CADPS2: variants seen among roughly 807,000 people sequenced by gnomAD.
CADPS2 encodes calcium dependent secretion activator 2.
A neutral mutation model predicts 172.5 loss-of-function variants in CADPS2; 93 were observed. That is an observed-to-expected ratio of 0.54 (90% CI 0.46 to 0.64). The LOEUF (loss-of-function observed/expected upper bound fraction) is 0.64, where lower values mean the gene tolerates loss of function less well. Among genes scored for constraint, CADPS2 ranks in the 30% least tolerant of loss-of-function variants. The probability of loss-of-function intolerance (pLI) is 0.00; values close to 1 mark genes in which losing one functional copy is unlikely to be tolerated. For missense variants in CADPS2, 1,420 were observed against 1,565.9 expected (o/e 0.91, Z 1.57); for synonymous variants, 546 against 555.2 (o/e 0.98, Z 0.23).
intron 27 of CADPS2, among the ~76,000 whole-genome samples, chr7:122,354,586 G>T (rs926748661): frequency 6.6e-6 from 1 of 151,958 alleles, no homozygotes; most frequent in Non-Finnish European, 1.5e-5. Flanking sequence ...TTTTGGGGGG[G>T]AGGGGTTAGT....
intron 2 of CADPS2, among the ~76,000 whole-genome samples, chr7:122,716,290 T>C (rs531012623): frequency 1.1e-4 from 16 of 152,232 alleles, no homozygotes; most frequent in Non-Finnish European, 1.3e-4. Flanking sequence ...CTATCTAACA[T>C]GTGGCATATG....
At chr7:122,623,294 G>A (rs573150135) in intron 4 of CADPS2, among the ~76,000 whole-genome samples, 152 of 151,944 alleles carry the variant, frequency 1.0e-3, no homozygotes, top group African/African-American at 3.3e-3. Context: ...AGCAAAGAGA[G>A]GGGAAAAAAG....
chr7:122,470,780 G>GCCA (rs2055824496), intron 14 of CADPS2, among the ~76,000 whole-genome samples: 1 of 152,106 alleles, frequency 6.6e-6, no homozygotes, highest in Non-Finnish European at 1.5e-5. Context: ...ACAGGTGTAA[G>GCCA]CCACCACACG....
In CADPS2 at chr7:122,471,549, G is replaced by A; in HGVS notation, c.2012C>T (p.Pro671Leu). ...CTCATCTAACACAAAGACTTGGCCA[G>A]GGCTAAACCATCCCTGCAAAATAAA... ...DSYSCLGWFS[P>L]GQVFVLDEYC... Residue 671 changes from proline to leucine, a missense_variant, in exon 14 of 30, where the codon CCT becomes CTT. By Grantham distance (98) the Pro-to-Leu change is moderately conservative. Transcript: ENST00000449022. 1 of 1,591,252 alleles carries A rather than the reference G, an allele frequency of 6.3e-7. No homozygotes were observed. The highest frequency in any genetic ancestry group is 1.1e-5 in the South Asian group (1 of 87,308).
intron 9 of CADPS2, among the ~76,000 whole-genome samples, chr7:122,499,863 C>T (rs1206830653): frequency 6.6e-6 from 1 of 152,120 alleles, no homozygotes; most frequent in East Asian, 1.9e-4. Context: ...TTCTCATCTT[C>T]TTCTCTTATT....
chr7:122,427,622 A>G (rs1011845180), intron 17 of CADPS2, among the ~76,000 whole-genome samples: 2 of 152,200 alleles, frequency 1.3e-5, no homozygotes, highest in Non-Finnish European at 2.9e-5. Flanking sequence ...TGTTTGCTAT[A>G]GATGAAGTAT....
chr7:122,518,235 T>C lies in CADPS2; in HGVS notation c.1476-4920A>G, dbSNP rs566575643. Among the ~76,000 whole-genome samples, 5 of 152,090 alleles carry C rather than the reference T, an allele frequency of 3.3e-5. No homozygotes were observed. The South Asian group carries it at 8.3e-4, about 25-fold the overall frequency. ...AAAAATCAAGTTGACCTCAAATAGTTAGAAAATATAACTTGATCTTTAATG... is the reference window on the plus strand; with the variant it reads ...AAAAATCAAGTTGACCTCAAATAGTCAGAAAATATAACTTGATCTTTAATG... On this transcript the variant is annotated intron_variant, in intron 8 of 29. Transcript: ENST00000449022.
intron 19 of CADPS2, chr7:122,412,830 C>T (rs769239734): frequency 6.6e-6 from 1 of 152,140 alleles, no homozygotes; most frequent in Non-Finnish European, 1.5e-5. Context: ...TGGAGATATA[C>T]CAGAGTACAA....
intron 1 of CADPS2, among the ~76,000 whole-genome samples, chr7:122,856,544 C>T (rs1260178171): frequency 6.6e-6 from 1 of 152,148 alleles, no homozygotes; most frequent in Non-Finnish European, 1.5e-5. Flanking sequence ...AACACACAAA[C>T]CTCTACTTAC....
At chr7:122,876,534 T>A (rs564388211) in intron 1 of CADPS2, among the ~76,000 whole-genome samples, 1 of 152,080 alleles carries the variant, frequency 6.6e-6, no homozygotes, top group African/African-American at 2.4e-5. Context: ...ACTAATTTTT[T>A]CTATTTTTTG....
At chr7:122,372,021 T>C (rs1714528684) in intron 25 of CADPS2, among the ~76,000 whole-genome samples, 1 of 152,178 alleles carries the variant, frequency 6.6e-6, no homozygotes, top group African/African-American at 2.4e-5. Context: ...TATTTAACAA[T>C]GCATTGGCCA....
chr7:122,793,130 T>C (rs1027688832), intron 1 of CADPS2, among the ~76,000 whole-genome samples: 1 of 152,202 alleles, frequency 6.6e-6, no homozygotes, highest in African/African-American at 2.4e-5. Flanking sequence ...TCTTCATTTT[T>C]CATTTCCATT....
intron 5 of CADPS2, among the ~76,000 whole-genome samples, chr7:122,619,563 G>C (rs1045316749): frequency 1.3e-5 from 2 of 152,124 alleles, no homozygotes; most frequent in Non-Finnish European, 2.9e-5. Context: ...GGAAGTGGAG[G>C]TTGTGGTGAG....
chr7:122,716,617 A>G, intron 2 of CADPS2, among the ~76,000 whole-genome samples: 1 of 152,184 alleles, frequency 6.6e-6, no homozygotes, highest in Admixed American at 6.5e-5. Flanking sequence ...AACATGGCAC[A>G]TGTATACATA....
chr7:122,730,322 A>G (rs1421555770), intron 2 of CADPS2, among the ~76,000 whole-genome samples: 1 of 151,794 alleles, frequency 6.6e-6, no homozygotes, highest in Non-Finnish European at 1.5e-5. Context: ...AAGTAAAAAC[A>G]GCACTCATAT....
At position 122,760,616 on chromosome 7, in the gene CADPS2, G is replaced by A. The variant is rs186498314; in HGVS notation, c.340-23548C>T. On this transcript the variant is annotated intron_variant, in intron 1 of 29. Transcript: ENST00000449022. ...AGAAAATGTGGCACATATACACCAT[G>A]GAATACTATGCAGCCATAAAAAATG... is the stretch of plus-strand genomic sequence containing the variant. 3.0e-3 allele frequency among the ~76,000 whole-genome samples: 456 copies of A among 152,018 alleles called. 2 individuals carry two copies. The highest frequency in any genetic ancestry group is 0.01 in the African/African-American group (426 of 41,434).
chr7:122,718,541 T>C lies in CADPS2; in HGVS notation c.453+18414A>G, dbSNP rs1409233107. On this transcript the variant is annotated intron_variant, in intron 2 of 29. Transcript: ENST00000449022. The stretch of plus-strand genomic sequence containing the variant: ...CCTTCTAAACAGGGAACAGAATAAA[T>C]AGCAAGTTGTATATGGCATATTCAG... 3.3e-5 allele frequency among the ~76,000 whole-genome samples: 5 copies of C among 152,036 alleles called. No homozygotes were observed. The South Asian group carries it at 6.2e-4, about 19-fold the overall frequency.
At chr7:122,753,863 T>A (rs559466574) in intron 1 of CADPS2, among the ~76,000 whole-genome samples, 2 of 152,250 alleles carry the variant, frequency 1.3e-5, no homozygotes, top group African/African-American at 4.8e-5. Context: ...ATTTGCCCAA[T>A]CAATACACTG....
chr7:122,592,278 C>T (rs2070949869), intron 6 of CADPS2, among the ~76,000 whole-genome samples: 1 of 152,052 alleles, frequency 6.6e-6, no homozygotes, highest in Non-Finnish European at 1.5e-5. Context: ...CAAATCAAAA[C>T]CACAATGAGA....
Sources: gnomAD v4.1 joint callset for allele counts (sites outside exome capture counted in the v4.1 genomes callset) on GRCh38, gnomAD v4.1.1 for gene constraint, MANE v1.5 for transcripts, NCBI Gene and HGNC (gene_info 2026-07-23, HGNC 2026-07-21) for gene names.